HMCN2: variants seen among roughly 807,000 people sequenced by gnomAD.
HMCN2 encodes the protein hemicentin-2.
In HMCN2, 325 loss-of-function variants were observed where a neutral mutation model predicts 377.5. The observed-to-expected ratio is 0.86, with a 90% CI of 0.79 to 0.94. The LOEUF (loss-of-function observed/expected upper bound fraction) is 0.94, where lower values mean the gene tolerates loss of function less well. Ranked by LOEUF, HMCN2 falls within the 40% of genes least tolerant of loss-of-function variation. The pLI, the probability that HMCN2 is intolerant of heterozygous loss-of-function variation, is 0.00. For missense variants in HMCN2, 4,543 were observed against 4,725.3 expected (o/e 0.96, Z 1.13); for synonymous variants, 2,007 against 2,046.8 (o/e 0.98, Z 0.53).
chr9:130,302,522 C>T (rs1299240615), intron 8 of HMCN2, among the ~76,000 whole-genome samples: 3 of 152,166 alleles, frequency 2.0e-5, no homozygotes, highest in Admixed American at 6.6e-5. Flanking sequence ...GGGCCTGGTC[C>T]AGGCTGGCCA....
chr9:130,325,096 C>T (rs1313563612), intron 19 of HMCN2, among the ~76,000 whole-genome samples: 273 of 128,038 alleles, frequency 2.1e-3, no homozygotes, highest in Non-Finnish European at 2.8e-3. Flanking sequence ...TCTTCTTCTT[C>T]TTTTTTTTTT....
rs188464237 is a variant in HMCN2, at chr9:130,351,604, C to A, written c.4585+27C>A. The A allele has an allele frequency of 1.5e-6, 2 of 1,291,244 alleles. No homozygotes were observed. The highest frequency in any genetic ancestry group is 2.0e-6 in the Non-Finnish European group (2 of 980,014). 80.0% of individuals were successfully genotyped at this position (1,291,244 alleles called of 1,614,324 possible). ...TGAGCCCCCACGCCTTCTGGGACCC[C>A]GCCACAGGCTACTCAGGAAGCTTCC... On this transcript the variant is annotated intron_variant, in intron 30 of 97. Coordinates refer to ENST00000683500, the MANE Select transcript of HMCN2 (RefSeq NM_001291815.2). The surrounding 1 kb of genome is among the most constrained non-coding windows in gnomAD (Gnocchi z 5.4).
At chr9:130,366,193 C>G (rs1840680355) in intron 43 of HMCN2, among the ~76,000 whole-genome samples, 198 bp downstream of exon 43, 2 of 152,228 alleles carry the variant, frequency 1.3e-5, no homozygotes, top group Non-Finnish European at 2.9e-5. Context: ...GCAGGAGCCC[C>G]TGGTCCTGCT....
intron 19 of HMCN2, among the ~76,000 whole-genome samples, chr9:130,323,839 A>G (rs1837978367): frequency 6.6e-6 from 1 of 151,992 alleles, no homozygotes; most frequent in South Asian, 2.1e-4. Flanking sequence ...AGTAGCTGGG[A>G]TTACAGGCAT....
chr9:130,420,219 C>A (rs1414344334), intron 86 of HMCN2, among the ~76,000 whole-genome samples: 1 of 151,998 alleles, frequency 6.6e-6, no homozygotes, highest in Non-Finnish European at 1.5e-5. Context: ...GGACTACAGG[C>A]ACCCGCCACC....
chr9:130,293,272 C>T (rs983244215), intron 4 of HMCN2, among the ~76,000 whole-genome samples: 1 of 71,274 alleles, frequency 1.4e-5, no homozygotes, highest in Non-Finnish European at 2.3e-5. Context: ...AAAATCTACT[C>T]ACTAAAGTTT....
chr9:130,331,384 T>C (rs1838420949), intron 22 of HMCN2, among the ~76,000 whole-genome samples: 1 of 152,208 alleles, frequency 6.6e-6, no homozygotes, highest in Non-Finnish European at 1.5e-5. Context: ...CACTGAGTGC[T>C]TCTTTCCTGT....
chr9:130,377,322 C>T (rs1841443056), intron 52 of HMCN2, among the ~76,000 whole-genome samples: 1 of 151,950 alleles, frequency 6.6e-6, no homozygotes. Context: ...TTTATGTTGG[C>T]CAGGCCGATC....
intron 85 of HMCN2, among the ~76,000 whole-genome samples, chr9:130,413,991 C>CAA: frequency 1.5e-5 from 2 of 137,088 alleles, no homozygotes; most frequent in African/African-American, 2.7e-5. Context: ...ACCAAAAATA[C>CAA]AAAAAAAAAA....
chr9:130,331,866 C>T (rs1373588180), intron 22 of HMCN2, among the ~76,000 whole-genome samples: 17 of 152,318 alleles, frequency 1.1e-4, no homozygotes, highest in African/African-American at 3.8e-4. Flanking sequence ...CTAATCCCAG[C>T]GCGGTGTGGG....
At chr9:130,328,300 C>T (rs1473670069) in intron 22 of HMCN2, among the ~76,000 whole-genome samples, 1 of 152,138 alleles carries the variant, frequency 6.6e-6, no homozygotes, top group Non-Finnish European at 1.5e-5. Flanking sequence ...TGCTGCAGCT[C>T]TATGTTGTAG....
In HMCN2 at chr9:130,419,046, G is replaced by T; in HGVS notation, c.13231+5G>T. ...GGGCGTTCCTGGTCGTGAGAGGTAT[G>T]GGGCATCCCTGTCTGGACCTTCGTG... On this transcript the variant is annotated splice_donor_5th_base_variant and intron_variant, in intron 86 of 97. Transcript: ENST00000683500. 6.7e-7 allele frequency: 1 copy of T among 1,489,924 alleles called. No individual in the cohort carries two copies. Among genetic ancestry groups the T allele is most frequent in the Non-Finnish European group, 9.0e-7 (1 of 1,115,418 alleles). The allele number at this position is 1,489,924 out of a possible 1,614,324, so 92.3% of individuals were successfully genotyped here. A position where few individuals can be genotyped will look rare whatever the true frequency, so the allele number is the denominator to read the frequency against.
chr9:130,429,864 G>C, intron 94 of HMCN2, 179 bp downstream of exon 94: 1 of 1,219,304 alleles, frequency 8.2e-7, no homozygotes, highest in Non-Finnish European at 1.1e-6. Context: ...TAACCAAACA[G>C]CAGCCGACAC....
chr9:130,432,479 T>G lies in HMCN2; in HGVS notation c.14818T>G (p.Cys4940Gly). 1 of 1,550,874 alleles carries G rather than the reference T, an allele frequency of 6.4e-7. No individual in the cohort carries two copies. The highest frequency in any genetic ancestry group is 8.7e-7 in the Non-Finnish European group (1 of 1,147,064). Residue 4940 changes from cysteine to glycine, a missense_variant, in exon 97 of 98, where the codon TGC becomes GGC. By Grantham distance (159) the Cys-to-Gly change is radical (BLOSUM62 -3). This residue lies in a region of HMCN2 where 1,155 missense variants were observed against 1,157.7 expected (regional missense o/e 1.00). Transcript: ENST00000683500. ...CATCGAGTGTGGACCCGGCCAGATG[T>G]GCTTCAACACCCGTGGCAGCTACCA... ...ESIECGPGQM[C>G]FNTRGSYQCV...
At chr9:130,410,103 T>C (rs1843333541) in intron 84 of HMCN2, among the ~76,000 whole-genome samples, 1 of 152,254 alleles carries the variant, frequency 6.6e-6, no homozygotes, top group African/African-American at 2.4e-5. Context: ...TGCCATCCTG[T>C]TCATACAACA....
At chr9:130,409,917 G>A (rs1057434368) in intron 84 of HMCN2, among the ~76,000 whole-genome samples, 5 of 152,176 alleles carry the variant, frequency 3.3e-5, no homozygotes, top group Non-Finnish European at 5.9e-5. Flanking sequence ...GGCTGCCCCA[G>A]GCCCATCTGA....
At position 130,423,487 on chromosome 9, in the gene HMCN2, A is replaced by G. The variant is rs563430941; in HGVS notation, c.13381+761A>G. Among the ~76,000 whole-genome samples, 4 of 152,216 alleles carry G rather than the reference A, an allele frequency of 2.6e-5. No individual in the cohort carries two copies. The highest frequency in any genetic ancestry group is 5.9e-5 in the Non-Finnish European group (4 of 68,034). On this transcript the variant is annotated intron_variant, in intron 87 of 97. Coordinates refer to ENST00000683500, the MANE Select transcript of HMCN2 (RefSeq NM_001291815.2). The surrounding 1 kb of genome is among the most constrained non-coding windows in gnomAD (Gnocchi z 5.5). Reference sequence around the variant, plus strand: ...AGATGAAGCGAGACGCTGCCCAGACATGGCTGCTTATTCTAGCTGCAGGAG... The same window carrying G: ...AGATGAAGCGAGACGCTGCCCAGACGTGGCTGCTTATTCTAGCTGCAGGAG...
At position 130,376,601 on chromosome 9, in the gene HMCN2, G is replaced by T; in HGVS notation, c.8004G>T (p.Leu2668Phe). ...CCAAGGTCAACAGCACCTTGACCTT[G>T]GAGTGTGAGAGCTGGGCTGTGCCCC... ...VKTKVNSTLT[L>F]ECESWAVPPP... The change falls in exon 52 of 98, where the codon TTG becomes TTT. Residue 2668 changes from leucine to phenylalanine, a missense_variant. Physicochemically the swap from Leu to Phe is conservative, Grantham distance 22. Coordinates refer to ENST00000683500, the MANE Select transcript of HMCN2 (RefSeq NM_001291815.2). 3.0e-6 allele frequency: 3 copies of T among 985,868 alleles called. No homozygotes were observed. Among genetic ancestry groups the T allele is most frequent in the Non-Finnish European group, 3.6e-6 (3 of 829,940 alleles). The allele number at this position is 985,868 out of a possible 1,614,324, so 61.1% of individuals were successfully genotyped here.
Position 130,348,546 on chromosome 9 carries a change from GC to G in HMCN2, c.4032del (p.Ser1345AlafsTer19). ...TCCTCGGCTCTCCTTGCCCCCAAGT[GC>G]CCCCCAGCATCCGGGAGGACGGGCG... ...SRRAKLVVYV[P>X]PSIREDGRKA... On this transcript the variant is annotated frameshift_variant and splice_region_variant, in exon 27 of 98. Coordinates refer to ENST00000683500, the MANE Select transcript of HMCN2 (RefSeq NM_001291815.2). LOFTEE classifies it high-confidence loss of function. 1 of 1,303,826 alleles carries G rather than the reference GC, an allele frequency of 7.7e-7. No homozygotes were observed. The highest frequency in any genetic ancestry group is 1.0e-6 in the Non-Finnish European group (1 of 988,808). 80.8% of individuals were successfully genotyped at this position (1,303,826 alleles called of 1,614,324 possible).
Sources: gnomAD v4.1 joint callset for allele counts (sites outside exome capture counted in the v4.1 genomes callset) on GRCh38, gnomAD v4.1.1 for gene constraint, gnomAD v4.1.1 regional missense constraint, Gnocchi (gnomAD v3.1) non-coding constraint, MANE v1.5 for transcripts, NCBI Gene and HGNC (gene_info 2026-07-23, HGNC 2026-07-21) for gene names.